The following ABCC4 variants were observed in gnomAD, a reference collection of about 807,000 sequenced individuals.
ABCC4 encodes the protein ATP-binding cassette sub-family C member 4.
Under a neutral mutation model 168.5 loss-of-function variants are expected in ABCC4, and 102 were observed. That is an observed-to-expected ratio of 0.61 (90% CI 0.52 to 0.71). The LOEUF (loss-of-function observed/expected upper bound fraction) is 0.71. Ranked by LOEUF, ABCC4 falls within the 30% of genes least tolerant of loss-of-function variation. ABCC4 has a pLI of 0.00. For synonymous variants in ABCC4, 617 were observed against 590.7 expected (o/e 1.04, Z -0.65); for missense variants, 1,402 against 1,605.8 (o/e 0.87, Z 2.17).
chr13:95,291,870 C>G (rs1037319970), intron 1 of ABCC4, among the ~76,000 whole-genome samples: 2 of 152,128 alleles, frequency 1.3e-5, no homozygotes, highest in Non-Finnish European at 2.9e-5. Flanking sequence ...TTGCTTGAAC[C>G]AGAAGGTGGA....
chr13:95,277,002 G>A (rs554503780), intron 1 of ABCC4, among the ~76,000 whole-genome samples: 24 of 152,292 alleles, frequency 1.6e-4, no homozygotes, highest in African/African-American at 5.5e-4. Flanking sequence ...CTGGGCGACA[G>A]AGCGAGACTC....
At chr13:95,173,617 G>A (rs2037556887) in intron 13 of ABCC4, among the ~76,000 whole-genome samples, 1 of 152,196 alleles carries the variant, frequency 6.6e-6, no homozygotes, top group Non-Finnish European at 1.5e-5. Flanking sequence ...TTGGAAAGGT[G>A]AATGGGGCAG....
At chr13:95,226,712 C>A (rs1438921469) in intron 4 of ABCC4, among the ~76,000 whole-genome samples, 1 of 152,170 alleles carries the variant, frequency 6.6e-6, no homozygotes, top group Non-Finnish European at 1.5e-5. Context: ...GAGTCTTCTA[C>A]AAAGTGCCTG....
In ABCC4 at chr13:95,064,253, T is replaced by G. The variant is rs1219527766; in HGVS notation, c.3211-1394A>C. On this transcript the variant is annotated intron_variant, in intron 25 of 30. Coordinates refer to ENST00000645237, the MANE Select transcript of ABCC4 (RefSeq NM_005845.5). Reference sequence around the variant, plus strand: ...GCACATAGGTACATCCGGGTGTGTGTGTGTGTGTATATATATATATATATA... The same window carrying G: ...GCACATAGGTACATCCGGGTGTGTGGGTGTGTGTATATATATATATATATA... Among the ~76,000 whole-genome samples, 23 of 8,378 alleles carry G rather than the reference T, an allele frequency of 2.7e-3. No individual in the cohort carries two copies. In the East Asian group the frequency reaches 0.04, roughly 15 times the overall value. The allele number at this position is 8,378 out of a possible 152,430, so 5.5% of individuals were successfully genotyped here. A position where few individuals can be genotyped will look rare whatever the true frequency, so the allele number is the denominator to read the frequency against.
At position 95,209,581 on chromosome 13, in the gene ABCC4, T is replaced by C; in HGVS notation, c.638A>G (p.His213Arg). The C allele has an allele frequency of 6.2e-7, 1 of 1,612,756 alleles. No homozygotes were observed. The highest frequency in any genetic ancestry group is 8.5e-7 in the Non-Finnish European group (1 of 1,179,482). Residue 213 changes from histidine to arginine, a missense_variant, in exon 6 of 31, where the codon CAC (histidine) becomes CGC (arginine). Around this residue, in one of 3 missense-constraint regions of ABCC4, gnomAD observed 317 missense variants for 345.5 expected, o/e 0.92. Transcript: ENST00000645237. ...CTGCAGTGGTCCTGCCCACAGGAAG[T>C]GTAAGAACACTGTCACCTTTAAAGA... ...NKFDQVTVFL[H>R]FLWAGPLQAI...
chr13:95,277,063 C>A (rs2040990210), intron 1 of ABCC4, among the ~76,000 whole-genome samples: 1 of 152,020 alleles, frequency 6.6e-6, no homozygotes, highest in Non-Finnish European at 1.5e-5. Flanking sequence ...GTATACAACC[C>A]ACAACTCACT....
At position 95,026,801 on chromosome 13, in the gene ABCC4, A is replaced by G. The variant is rs1195673274; in HGVS notation, c.3871-5119T>C. Among the ~76,000 whole-genome samples the G allele has an allele frequency of 3.9e-5, 6 of 151,914 alleles. No individual in the cohort carries two copies. In the East Asian group the frequency reaches 1.2e-3, roughly 29 times the overall value. On this transcript the variant is annotated intron_variant, in intron 30 of 30. Coordinates refer to ENST00000645237, the MANE Select transcript of ABCC4 (RefSeq NM_005845.5). Reference sequence around the variant, plus strand: ...CTTTAAGGGAGGCTGAGAAGGGAGCATTGCTTGAGCCTGGGAGGTTAAGGC... The same window carrying G: ...CTTTAAGGGAGGCTGAGAAGGGAGCGTTGCTTGAGCCTGGGAGGTTAAGGC...
chr13:95,240,206 T>C (rs1445597414), intron 3 of ABCC4, among the ~76,000 whole-genome samples: 1 of 152,230 alleles, frequency 6.6e-6, no homozygotes, highest in Admixed American at 6.5e-5. Flanking sequence ...ATCTAGACCC[T>C]GGGAATCCGT....
intron 1 of ABCC4, among the ~76,000 whole-genome samples, chr13:95,266,877 A>AT (rs2040693698): frequency 1.2e-5 from 1 of 83,312 alleles, no homozygotes; most frequent in Non-Finnish European, 2.5e-5. Context: ...CTCAAATCTC[A>AT]TCTTTTTTTT....
chr13:95,297,460 G>A (rs534613087), intron 1 of ABCC4, among the ~76,000 whole-genome samples: 1 of 152,110 alleles, frequency 6.6e-6, no homozygotes, highest in Non-Finnish European at 1.5e-5. Context: ...ATTTAGGTAG[G>A]CAGCTGCCAG....
chr13:95,232,259 C>T (rs943669298), intron 4 of ABCC4, among the ~76,000 whole-genome samples: 1 of 152,112 alleles, frequency 6.6e-6, no homozygotes, highest in Non-Finnish European at 1.5e-5. Flanking sequence ...ACCATAGACA[C>T]TAAGACACGA....
intron 13 of ABCC4, among the ~76,000 whole-genome samples, chr13:95,174,611 T>C (rs1347153115): frequency 6.6e-6 from 1 of 152,156 alleles, no homozygotes; most frequent in Non-Finnish European, 1.5e-5. Flanking sequence ...CAAATGAAAA[T>C]CTGAGGGAGC....
chr13:95,088,829 G>A (rs1238864096), intron 20 of ABCC4, among the ~76,000 whole-genome samples: 1 of 151,370 alleles, frequency 6.6e-6, no homozygotes, highest in Non-Finnish European at 1.5e-5. Context: ...ATTAAAATCT[G>A]AGAAAAATGG....
At position 95,290,867 on chromosome 13, in the gene ABCC4, A is replaced by G. The variant is rs965118901; in HGVS notation, c.74+10374T>C. 7.6e-5 allele frequency among the ~76,000 whole-genome samples: 11 copies of G among 144,708 alleles called. No homozygotes were observed. In the South Asian group the frequency reaches 1.2e-3, roughly 15 times the overall value. The allele number at this position is 144,708 out of a possible 152,430, so 94.9% of individuals were successfully genotyped here. A position where few individuals can be genotyped will look rare whatever the true frequency, so the allele number is the denominator to read the frequency against. On this transcript the variant is annotated intron_variant, in intron 1 of 30. Transcript: ENST00000645237. ...CAAAAATTAGCCGGGTGTGGTGGCA[A>G]GCACCTGTAATCCCAGCTACTCGGG...
chr13:95,079,908 C>G (rs1457800680), intron 21 of ABCC4, among the ~76,000 whole-genome samples: 1 of 152,166 alleles, frequency 6.6e-6, no homozygotes, highest in Non-Finnish European at 1.5e-5. Context: ...AAGTGGTAGA[C>G]TTGGGCATGG....
chr13:95,199,189 CTA>C (rs980781391), intron 8 of ABCC4, among the ~76,000 whole-genome samples: 2 of 152,174 alleles, frequency 1.3e-5, no homozygotes, highest in Non-Finnish European at 2.9e-5. Flanking sequence ...TTTCTAAACT[CTA>C]TGTGTCTGCC....
At chr13:95,063,093 G>A (rs1407796333) in intron 25 of ABCC4, among the ~76,000 whole-genome samples, 2 of 152,126 alleles carry the variant, frequency 1.3e-5, no homozygotes, top group Non-Finnish European at 2.9e-5. Context: ...GGACCCTACT[G>A]CATAGATACC....
chr13:95,245,797 C>T (rs2040088462), intron 3 of ABCC4, among the ~76,000 whole-genome samples: 1 of 151,414 alleles, frequency 6.6e-6, no homozygotes, highest in Admixed American at 6.6e-5. Flanking sequence ...CACCTACCTG[C>T]CTCCCACTGC....
intron 21 of ABCC4, among the ~76,000 whole-genome samples, chr13:95,076,647 T>C (rs2033918455): frequency 6.6e-6 from 1 of 152,218 alleles, no homozygotes; most frequent in Middle Eastern, 3.4e-3. Context: ...GAATTTTTAG[T>C]AGAGACATGG....
Sources: gnomAD v4.1 joint callset for allele counts (sites outside exome capture counted in the v4.1 genomes callset) on GRCh38, gnomAD v4.1.1 for gene constraint, gnomAD v4.1.1 regional missense constraint, MANE v1.5 for transcripts, NCBI Gene and HGNC (gene_info 2026-07-23, HGNC 2026-07-21) for gene names.